The following SF3A2 variants were observed in gnomAD, a reference collection of about 807,000 sequenced individuals.
SF3A2 encodes splicing factor 3a subunit 2, also known as SAP 62.
A neutral mutation model predicts 31.1 loss-of-function variants in SF3A2; 5 were observed. That is an observed-to-expected ratio of 0.16 (90% CI 0.08 to 0.34). The LOEUF (loss-of-function observed/expected upper bound fraction) is 0.34, where lower values mean the gene tolerates loss of function less well. Among genes scored for constraint, SF3A2 ranks in the 10% least tolerant of loss-of-function variants. The pLI is 1.00. For missense variants in SF3A2, 577 were observed against 643.9 expected, an observed-to-expected ratio of 0.90 and a Z score of 1.13; for synonymous variants, 365 against 263.7, an observed-to-expected ratio of 1.38 and a Z score of -3.72.
intron 1 of SF3A2, among the ~76,000 whole-genome samples, chr19:2,238,998 T>C (rs1403023052): frequency 6.6e-6 from 1 of 152,206 alleles, no homozygotes; most frequent in Non-Finnish European, 1.5e-5. Context: ...GGGAAGTCCT[T>C]GATTGTCTGA....
intron 2 of SF3A2, among the ~76,000 whole-genome samples, 177 bp downstream of exon 2, chr19:2,243,721 A>G (rs1244309891): frequency 6.6e-6 from 1 of 152,194 alleles, no homozygotes; most frequent in African/African-American, 2.4e-5. Flanking sequence ...CACCCCAGAG[A>G]GCAGACCCTC....
rs1472557581 is a variant in SF3A2 at position 2,245,294 on chromosome 19, A to C, written c.246-152A>C. ...ACATGCCTGTCCTATCCCTGTCCTC[A>C]GCCAAACCCCAGGGCCCCTCCCAGG... On this transcript the variant is annotated intron_variant, in intron 4 of 8. Coordinates refer to ENST00000221494, the MANE Select transcript of SF3A2 (RefSeq NM_007165.5). The surrounding 1 kb of genome is among the most constrained non-coding windows in gnomAD (Gnocchi z 4.2). 1 of 611,482 alleles carries C rather than the reference A, an allele frequency of 1.6e-6. No homozygotes were observed. The highest frequency in any genetic ancestry group is 1.9e-5 in the African/African-American group (1 of 53,780). 37.9% of individuals were successfully genotyped at this position (611,482 alleles called of 1,614,324 possible). A position where few individuals can be genotyped will look rare whatever the true frequency, so the allele number is the denominator to read the frequency against.
chr19:2,243,442 G>A lies in SF3A2; in HGVS notation c.24G>A (p.Gly8=). The A allele has an allele frequency of 1.3e-6, 2 of 1,552,812 alleles. No individual in the cohort carries two copies. Among genetic ancestry groups the A allele is most frequent in the Non-Finnish European group, 1.7e-6 (2 of 1,155,840 alleles). The change falls in exon 2 of 9, where the codon GGG becomes GGA. Residue 8 remains glycine, a synonymous_variant. Transcript: ENST00000221494. MDFQHRP[G]GKTGSGGVAS... is the part of the protein sequence containing the mutation. Reference sequence around the variant, plus strand: ...CCATGGACTTCCAGCATCGCCCCGGGGGCAAGACCGGGAGCGGGGGCGTGG... The same window carrying A: ...CCATGGACTTCCAGCATCGCCCCGGAGGCAAGACCGGGAGCGGGGGCGTGG...
At chr19:2,244,825 T>C (rs2145013196) in intron 4 of SF3A2, 46 bp downstream of exon 4, 1 of 1,582,284 alleles carries the variant, frequency 6.3e-7, no homozygotes, top group Non-Finnish European at 8.6e-7. Context: ...CAGCAGCCGT[T>C]GGCTCAAGTC....
At position 2,245,882 on chromosome 19, in the gene SF3A2, C is replaced by T. The variant is rs1009987236; in HGVS notation, c.355+327C>T. ...GGAGGTGTGGTGAGCCCTGGCACAT[C>T]CCTCCGGTTAACCTTGAAGCCTTTG... On this transcript the variant is annotated intron_variant, in intron 5 of 8. Transcript: ENST00000221494. This position sits in a 1 kb window ranked among gnomAD's most constrained non-coding sequence, Gnocchi z 4.2. The T allele has an allele frequency of 2.0e-5, 7 of 355,690 alleles. No homozygotes were observed. The highest frequency in any genetic ancestry group is 6.3e-5 in the African/African-American group (3 of 47,662). The allele number at this position is 355,690 out of a possible 1,614,324, so 22.0% of individuals were successfully genotyped here.
At position 2,248,628 on chromosome 19, in the gene SF3A2, C is replaced by T. The variant is rs982540532; in HGVS notation, c.*82C>T. ...GAGAGAAGGCTGCTCTTTTGTACTG[C>T]CCCCCGCTCATTAAACAGCCTCCCC... is the stretch of plus-strand genomic sequence containing the variant. On this transcript the variant is annotated 3_prime_UTR_variant, in exon 9 of 9. Coordinates refer to ENST00000221494, the MANE Select transcript of SF3A2 (RefSeq NM_007165.5). The T allele has an allele frequency of 1.9e-5, 8 of 418,158 alleles. 1 individual carries two copies. The highest frequency in any genetic ancestry group is 1.7e-4 in the Admixed American group (4 of 23,582). The allele number at this position is 418,158 out of a possible 1,614,324, so 25.9% of individuals were successfully genotyped here.
intron 1 of SF3A2, among the ~76,000 whole-genome samples, chr19:2,239,356 CAA>C (rs60571903): frequency 0.01 from 1,011 of 100,052 alleles, 9 homozygotes; most frequent in African/African-American, 0.027. Flanking sequence ...GAATCCGTCT[CAA>C]AAAAAAAAAA....
rs574099305 is a variant in SF3A2 at position 2,241,679 on chromosome 19, G to GC, written c.-37-1701dup. 1.9e-4 allele frequency among the ~76,000 whole-genome samples: 29 copies of GC among 152,284 alleles called. No individual in the cohort carries two copies. In the East Asian group the frequency reaches 5.6e-3, roughly 29 times the overall value. On this transcript the variant is annotated intron_variant, in intron 1 of 8. Coordinates refer to ENST00000221494, the MANE Select transcript of SF3A2 (RefSeq NM_007165.5). The stretch of plus-strand genomic sequence containing the variant: ...TCTCCCTGGTCCTGAAGAATGTGTG[G>GC]CCAAGAAGCCCGAGGCGGGGAGGGT...
chr19:2,243,789 A>G (rs892802160), intron 2 of SF3A2, among the ~76,000 whole-genome samples: 4 of 152,174 alleles, frequency 2.6e-5, no homozygotes, highest in South Asian at 2.1e-4. Context: ...TCTGTTTTGC[A>G]TTATTTAATT....
In SF3A2 at chr19:2,240,448, G is replaced by C. The variant is rs574192209; in HGVS notation, c.-37-2934G>C. ...CCCGGGGTGCCGCCCCATTTCAGCT[G>C]CTGAGGAGGGACAGTGTGGGTGTTC... On this transcript the variant is annotated intron_variant, in intron 1 of 8. Transcript: ENST00000221494. Among the ~76,000 whole-genome samples the C allele has an allele frequency of 2.0e-5, 3 of 152,376 alleles. No homozygotes were observed. The East Asian group carries it at 5.8e-4, about 29-fold the overall frequency.
chr19:2,238,143 C>T (rs987707248), intron 1 of SF3A2, among the ~76,000 whole-genome samples: 4 of 152,222 alleles, frequency 2.6e-5, no homozygotes, highest in African/African-American at 9.6e-5. Context: ...CCTGCCTCAA[C>T]CTCTCGAGTA....
At position 2,245,741 on chromosome 19, in the gene SF3A2, C is replaced by T. The variant is rs963984744; in HGVS notation, c.355+186C>T. The T allele has an allele frequency of 1.7e-5, 10 of 603,264 alleles. No homozygotes were observed. In the Middle Eastern group the frequency reaches 1.3e-3, roughly 79 times the overall value. The allele number at this position is 603,264 out of a possible 1,614,324, so 37.4% of individuals were successfully genotyped here. ...TGTCTGGGAGCTGTCAGGCTGGGCC[C>T]GATAAGCACCCATCTCACCCAGCAG... On this transcript the variant is annotated intron_variant, in intron 5 of 8. Transcript: ENST00000221494. This position sits in a 1 kb window ranked among gnomAD's most constrained non-coding sequence, Gnocchi z 4.2.
Position 2,248,599 on chromosome 19 carries a change from C to T in SF3A2, c.*53C>T, listed in dbSNP as rs1023566901. 4.1e-6 allele frequency: 2 copies of T among 482,454 alleles called. No individual in the cohort carries two copies. The highest frequency in any genetic ancestry group is 4.0e-5 in the African/African-American group (2 of 49,544). 29.9% of individuals were successfully genotyped at this position (482,454 alleles called of 1,614,324 possible). Reference sequence around the variant, plus strand: ...AGCGCCAGGTGCTCTTGCCTTTTCCCACTGAGAGAAGGCTGCTCTTTTGTA... The same window carrying T: ...AGCGCCAGGTGCTCTTGCCTTTTCCTACTGAGAGAAGGCTGCTCTTTTGTA... On this transcript the variant is annotated 3_prime_UTR_variant, in exon 9 of 9. Transcript: ENST00000221494.
At chr19:2,237,232 A>G (rs950655491) in intron 1 of SF3A2, 1 of 151,150 alleles carries the variant, frequency 6.6e-6, no homozygotes, top group Admixed American at 6.6e-5. Context: ...AGCCTGGACA[A>G]CACACCGAGA....
At chr19:2,241,041 G>C (rs79523899) in intron 1 of SF3A2, among the ~76,000 whole-genome samples, 1,753 of 152,324 alleles carry the variant, frequency 0.012, 45 homozygotes, top group African/African-American at 0.04. Flanking sequence ...TGCAGGCTTG[G>C]GGGTAGAGAC....
At chr19:2,247,539 T>C in intron 7 of SF3A2, 55 bp from the exon 8 acceptor site, 1 of 1,583,250 alleles carries the variant, frequency 6.3e-7, no homozygotes, top group Non-Finnish European at 8.7e-7. Flanking sequence ...CCCTGCCTGA[T>C]GGTCGCCCTG....
chr19:2,246,589 T>C lies in SF3A2; in HGVS notation c.356-164T>C, dbSNP rs1427825972. ...TCTGGCGCACCTGTGCCTTCACCTA[T>C]ACCAGAATCCCAGAGCCTGGGCGGA... On this transcript the variant is annotated intron_variant, in intron 5 of 8. Transcript: ENST00000221494. This position sits in a 1 kb window ranked among gnomAD's most constrained non-coding sequence, Gnocchi z 5.5. 1.1e-4 allele frequency among the ~76,000 whole-genome samples: 16 copies of C among 152,094 alleles called. No homozygotes were observed. Among genetic ancestry groups the C allele is most frequent in the Non-Finnish European group, 8.8e-5 (6 of 67,990 alleles).
intron 8 of SF3A2, 32 bp downstream of exon 8, chr19:2,247,694 C>G (rs764221979): frequency 6.2e-7 from 1 of 1,612,398 alleles, no homozygotes; most frequent in African/African-American, 1.3e-5. Context: ...TGGCTCCTTC[C>G]CACCCAGCCC....
At chr19:2,239,989 G>A (rs534246901) in intron 1 of SF3A2, among the ~76,000 whole-genome samples, 37 of 152,146 alleles carry the variant, frequency 2.4e-4, no homozygotes, top group Middle Eastern at 3.2e-3. Context: ...CTTTGTTCTC[G>A]GATGCGTGTG....
Sources: allele counts gnomAD v4.1 joint callset (sites outside exome capture counted in the v4.1 genomes callset), GRCh38; gene constraint gnomAD v4.1.1; non-coding constraint Gnocchi (gnomAD v3.1); transcripts MANE v1.5; gene names NCBI Gene and HGNC (gene_info 2026-07-23, HGNC 2026-07-21).